The following GDPD5 variants were observed in gnomAD, a reference collection of about 807,000 sequenced individuals.
GDPD5 encodes glycerophosphodiester phosphodiesterase 2.
In GDPD5, 48 loss-of-function variants were observed where a neutral mutation model predicts 75.1. That is an observed-to-expected ratio of 0.64 (90% confidence interval 0.51 to 0.81). The LOEUF is 0.81. GDPD5 is among the 40% of genes least tolerant of loss of function. The pLI is 0.00. For missense variants in GDPD5, 706 were observed against 822.6 expected (o/e 0.86, Z 1.73); for synonymous variants, 336 against 339.0 (o/e 0.99, Z 0.10).
At chr11:75,448,578 G>T in intron 9 of GDPD5, 4 of 997,414 alleles carry the variant, frequency 4.0e-6, no homozygotes, top group Non-Finnish European at 4.8e-6. Context: ...AACTCACGTC[G>T]GTTCAGCCGT....
chr11:75,446,405 C>T lies in GDPD5; in HGVS notation c.715-1910G>A, dbSNP rs1162182629. Among the ~76,000 whole-genome samples, 5 of 152,214 alleles carry T rather than the reference C, an allele frequency of 3.3e-5. No individual in the cohort carries two copies. The South Asian group carries it at 8.3e-4, about 25-fold the overall frequency. ...AATTCTTAGTCCCCGTCTCAGAGCT[C>T]GCACCTGCCTCAGGCCAGTCCAAGT... On this transcript the variant is annotated intron_variant, in intron 9 of 16. Transcript: ENST00000336898.
intron 1 of GDPD5, among the ~76,000 whole-genome samples, chr11:75,523,931 C>A (rs1630251): frequency 0.94 from 142,747 of 152,236 alleles, 67,168 homozygotes; most frequent in Middle Eastern, 0.98. Flanking sequence ...AGTTGGGCAT[C>A]TCTAGGGTTA....
In GDPD5 at chr11:75,488,427, A is replaced by G. The variant is rs1303801221; in HGVS notation, c.-61+1810T>C. Reference sequence around the variant, plus strand: ...ATGGCTCTTCCTAAGTCCCAGGGAGAGGGGAGTGGGAAAGTGGGGCACACC... The same window carrying G: ...ATGGCTCTTCCTAAGTCCCAGGGAGGGGGGAGTGGGAAAGTGGGGCACACC... On this transcript the variant is annotated intron_variant, in intron 2 of 16. Coordinates refer to ENST00000336898, the MANE Select transcript of GDPD5 (RefSeq NM_030792.8). Among the ~76,000 whole-genome samples the G allele has an allele frequency of 2.0e-5, 3 of 152,084 alleles. No individual in the cohort carries two copies. In the East Asian group the frequency reaches 5.8e-4, roughly 29 times the overall value.
At chr11:75,500,042 C>T (rs1416509687) in intron 1 of GDPD5, among the ~76,000 whole-genome samples, 1 of 152,168 alleles carries the variant, frequency 6.6e-6, no homozygotes, top group Non-Finnish European at 1.5e-5. Flanking sequence ...AGGCTGCCTG[C>T]CCAGCACTGC....
chr11:75,449,282 C>T (rs1949067164), intron 8 of GDPD5, among the ~76,000 whole-genome samples, 160 bp from the exon 9 acceptor site: 2 of 152,208 alleles, frequency 1.3e-5, no homozygotes, highest in African/African-American at 2.4e-5. Context: ...CACACAGACA[C>T]AGGTGCATAC....
intron 3 of GDPD5, among the ~76,000 whole-genome samples, chr11:75,463,975 C>T (rs1020566514): frequency 2.0e-5 from 3 of 152,228 alleles, no homozygotes; most frequent in Admixed American, 6.5e-5. Context: ...GCGGTGCGCC[C>T]GCAGCATTGG....
At chr11:75,486,253 G>C (rs1025876997) in intron 2 of GDPD5, among the ~76,000 whole-genome samples, 1 of 152,172 alleles carries the variant, frequency 6.6e-6, no homozygotes, top group Non-Finnish European at 1.5e-5. Context: ...CTGGGGAAGA[G>C]CCCCCTCTGC....
At chr11:75,456,907 T>A in intron 5 of GDPD5, 91 bp from the exon 6 acceptor site, 1 of 1,296,406 alleles carries the variant, frequency 7.7e-7, no homozygotes, top group Non-Finnish European at 1.1e-6. Context: ...ACTGCGGCTC[T>A]GGGCCTGACC....
At chr11:75,449,732 A>G in intron 7 of GDPD5, 122 bp from the exon 8 acceptor site, 1 of 1,269,778 alleles carries the variant, frequency 7.9e-7, no homozygotes. Flanking sequence ...AACTGGGGAC[A>G]CTGGGAGCCT....
At chr11:75,491,061 C>T (rs1194169332) in intron 1 of GDPD5, among the ~76,000 whole-genome samples, 2 of 152,190 alleles carry the variant, frequency 1.3e-5, no homozygotes, top group South Asian at 2.1e-4. Context: ...AGGGCTGGGA[C>T]CTGAGCCTCC....
chr11:75,441,271 T>C lies in GDPD5; in HGVS notation c.1365A>G (p.Thr455=). The stretch of plus-strand genomic sequence containing the variant: ...GGGAGAAGAGCCACGGTGCGTTGAC[T>C]GTGTAGAGGTTCACACTCAGGTTCC... ...ASWNLSVNLY[T]VNAPWLFSLL... The change falls in exon 14 of 17, where the codon ACA becomes ACG. Residue 455 remains threonine, a synonymous_variant. Transcript: ENST00000336898. 2 of 1,614,056 alleles carry C rather than the reference T, an allele frequency of 1.2e-6. No homozygotes were observed. The highest frequency in any genetic ancestry group is 1.3e-5 in the African/African-American group (1 of 75,020).
intron 1 of GDPD5, among the ~76,000 whole-genome samples, chr11:75,496,769 T>TTCTG (rs1950216454): frequency 1.3e-5 from 1 of 79,110 alleles, no homozygotes; most frequent in Non-Finnish European, 3.2e-5. Context: ...TTTTTTTCTT[T>TTCTG]TCTTTCTTTC....
chr11:75,448,434 G>C, intron 9 of GDPD5: 11 of 960,856 alleles, frequency 1.1e-5, no homozygotes, highest in Non-Finnish European at 1.4e-5. Context: ...CACAGCTGGT[G>C]AGGAGCTGTG....
intron 1 of GDPD5, among the ~76,000 whole-genome samples, chr11:75,512,324 A>ACACACACACACACACACG (rs1645250370): frequency 6.7e-6 from 1 of 149,930 alleles, no homozygotes; most frequent in Non-Finnish European, 1.5e-5. Context: ...ACACACACAC[A>ACACACACACACACACACG]CGAGGGGAGA....
rs1949804779 is a variant in GDPD5, at chr11:75,477,560, G to A, written c.117+59C>T. 3.6e-6 allele frequency: 4 copies of A among 1,116,744 alleles called. No homozygotes were observed. The East Asian group carries it at 1.1e-4, about 30-fold the overall frequency. The allele number at this position is 1,116,744 out of a possible 1,614,324, so 69.2% of individuals were successfully genotyped here. ...AGACAGAGCTAAGACCCCTCCCCCA[G>A]CCCCTCAGGCTTGCTGGGGCTCACT... On this transcript the variant is annotated intron_variant, in intron 3 of 16. Transcript: ENST00000336898.
chr11:75,519,258 A>T (rs1470470828), intron 1 of GDPD5, among the ~76,000 whole-genome samples: 1 of 152,024 alleles, frequency 6.6e-6, no homozygotes, highest in African/African-American at 2.4e-5. Context: ...TTCAGTGCTG[A>T]TCTCACAGAG....
intron 9 of GDPD5, 47 bp downstream of exon 9, chr11:75,448,930 C>T (rs750229719): frequency 7.9e-6 from 12 of 1,519,538 alleles, no homozygotes; most frequent in Middle Eastern, 4.2e-4. Context: ...TCCCCCCCAT[C>T]GCACCCCACC....
At chr11:75,489,626 G>A (rs935440446) in intron 2 of GDPD5, among the ~76,000 whole-genome samples, 5 of 152,214 alleles carry the variant, frequency 3.3e-5, no homozygotes, top group African/African-American at 1.2e-4. Context: ...TTCTCTGGAG[G>A]TGGAAGCCCA....
At position 75,441,237 on chromosome 11, in the gene GDPD5, ACC is replaced by A; in HGVS notation, c.1397_1398del (p.Trp466LeufsTer10). ...GAGGTGACGGATGGGACCCCCGCAC[ACC>A]ACAGCAGGGAGAAGAGCCACGGTGC... ...VNAPWLFSLL[W>X]CAGVPSVTSD... On this transcript the variant is annotated frameshift_variant, in exon 14 of 17. Transcript: ENST00000336898. LOFTEE classifies it high-confidence loss of function. 1 of 1,614,092 alleles carries A rather than the reference ACC, an allele frequency of 6.2e-7. No individual in the cohort carries two copies. Among genetic ancestry groups the A allele is most frequent in the African/African-American group, 1.3e-5 (1 of 75,048 alleles).
Sources: allele counts gnomAD v4.1 joint callset (sites outside exome capture counted in the v4.1 genomes callset), GRCh38; gene constraint gnomAD v4.1.1; transcripts MANE v1.5; gene names NCBI Gene and HGNC (gene_info 2026-07-23, HGNC 2026-07-21).